ZNF850: variants seen among roughly 807,000 people sequenced by gnomAD.
ZNF850 encodes putative zinc finger protein ENSP00000330994.
In ZNF850, 2 loss-of-function variants were observed where a neutral mutation model predicts 11.9. That is an observed-to-expected ratio of 0.17 (90% confidence interval 0.07 to 0.53). ZNF850 has a LOEUF of 0.53. Among genes scored for constraint, ZNF850 ranks in the 20% least tolerant of loss-of-function variants. ZNF850 has a pLI of 0.94. For missense variants in ZNF850, 1,014 were observed against 1,316.4 expected, an observed-to-expected ratio of 0.77 and a Z score of 3.55; for synonymous variants, 381 against 443.0, an observed-to-expected ratio of 0.86 and a Z score of 1.76.
At chr19:36,757,503 C>CTTTTT (rs57226971) in intron 4 of ZNF850, among the ~76,000 whole-genome samples, 1 of 97,396 alleles carries the variant, frequency 1.0e-5, no homozygotes, top group Non-Finnish European at 2.1e-5. Flanking sequence ...AATATAGTTT[C>CTTTTT]TTTTTTTTTT....
intron 4 of ZNF850, among the ~76,000 whole-genome samples, chr19:36,758,548 A>AT (rs1244459236): frequency 1.3e-5 from 2 of 151,834 alleles, no homozygotes; most frequent in African/African-American, 4.8e-5. Context: ...CACCAGGCTA[A>AT]TTTTTTTATT....
chr19:36,768,221 T>A (rs761152742), intron 1 of ZNF850, among the ~76,000 whole-genome samples: 110 of 151,330 alleles, frequency 7.3e-4, no homozygotes, highest in Non-Finnish European at 1.3e-3. Context: ...AAAAAAAAAC[T>A]ATAATATAGA....
Position 36,759,922 on chromosome 19 carries a change from T to C in ZNF850, c.235+1721A>G, listed in dbSNP as rs986394741. ...AGCCCAATTTTTGTCCATGTTAACA[T>C]TGTCACCAACTTATTGAAAATGGAT... is the stretch of plus-strand genomic sequence containing the variant. On this transcript the variant is annotated intron_variant, in intron 4 of 4. Coordinates refer to ENST00000591344, the MANE Select transcript of ZNF850 (RefSeq NM_001193552.2). Among the ~76,000 whole-genome samples the C allele has an allele frequency of 4.6e-5, 7 of 152,338 alleles. No homozygotes were observed. The East Asian group carries it at 1.2e-3, about 25-fold the overall frequency.
intron 2 of ZNF850, 24 bp from the exon 3 acceptor site, chr19:36,762,455 G>A (rs751028510): frequency 1.2e-5 from 19 of 1,539,664 alleles, no homozygotes; most frequent in South Asian, 3.6e-5. Context: ...CCCATGCAGC[G>A]CTGTTGAAAT....
chr19:36,748,448 A>G lies in ZNF850; in HGVS notation c.2592T>C (p.Thr864=). The change falls in exon 5 of 5, where the codon ACT becomes ACC. Residue 864 remains threonine, a synonymous_variant. Transcript: ENST00000591344. ...STLIEHQRIH[T]GEKPYHCKEC... ...CCTTACAATGATAGGGTTTCTCACC[A>G]GTGTGAATTCGCTGATGTTCAATTA... is the stretch of plus-strand genomic sequence containing the variant. 1.3e-6 allele frequency: 2 copies of G among 1,556,278 alleles called. No individual in the cohort carries two copies. The highest frequency in any genetic ancestry group is 2.4e-5 in the East Asian group (1 of 41,938).
chr19:36,769,198 G>A (rs2040566053), intron 1 of ZNF850, among the ~76,000 whole-genome samples: 3 of 149,158 alleles, frequency 2.0e-5, no homozygotes, highest in South Asian at 4.2e-4. Flanking sequence ...GCAGGCGGAG[G>A]CTGCAGTGAG....
rs1216986237 is a variant in ZNF850, at chr19:36,749,958, C to T, written c.1082G>A (p.Gly361Asp). The T allele has an allele frequency of 1.9e-6, 3 of 1,568,638 alleles. No homozygotes were observed. The highest frequency in any genetic ancestry group is 2.6e-6 in the Non-Finnish European group (3 of 1,159,360). ...TTCCTTACAGTCATAGGGTTTCTCACCAGTGTGAATTCGCTGATGTCGAAT... is the reference window on the plus strand; with the variant it reads ...TTCCTTACAGTCATAGGGTTTCTCATCAGTGTGAATTCGCTGATGTCGAAT... Reference protein sequence around the residue: ...ALIRHQRIHTGEKPYDCKECG... With the variant: ...ALIRHQRIHTDEKPYDCKECG... The change falls in exon 5 of 5, where the codon GGT becomes GAT. Residue 361 changes from glycine to aspartate, a missense_variant. Transcript: ENST00000591344.
At chr19:36,766,653 G>T (rs2040551078) in intron 1 of ZNF850, among the ~76,000 whole-genome samples, 1 of 152,128 alleles carries the variant, frequency 6.6e-6, no homozygotes, top group South Asian at 2.1e-4. Flanking sequence ...GAAGGGGGCT[G>T]TATAGAAATT....
rs186062411 is a variant in ZNF850, at chr19:36,744,258, G to C, written c.*3509C>G. On this transcript the variant is annotated 3_prime_UTR_variant, in exon 5 of 5. Coordinates refer to ENST00000591344, the MANE Select transcript of ZNF850 (RefSeq NM_001193552.2). ...TACAGGTGATCTTTCTGTCTTCATTGTGCTTTTCTCTGCTCTTTAAAAAAT... is the reference window on the plus strand; with the variant it reads ...TACAGGTGATCTTTCTGTCTTCATTCTGCTTTTCTCTGCTCTTTAAAAAAT... The C allele has an allele frequency of 2.0e-5, 3 of 151,436 alleles. No homozygotes were observed. In the East Asian group the frequency reaches 5.8e-4, roughly 29 times the overall value. The allele number at this position is 151,436 out of a possible 1,614,324, so 9.4% of individuals were successfully genotyped here.
rs540622064 is a variant in ZNF850 at position 36,771,927 on chromosome 19, C to T, written c.-70+798G>A. Among the ~76,000 whole-genome samples, 6 of 152,306 alleles carry T rather than the reference C, an allele frequency of 3.9e-5. No individual in the cohort carries two copies. The East Asian group carries it at 1.2e-3, about 29-fold the overall frequency. On this transcript the variant is annotated intron_variant, in intron 1 of 4. Transcript: ENST00000591344. Reference sequence around the variant, plus strand: ...ACCGCCCAGACCCCTCCTGCCCAGGCCTGTAATTACCCCAGCCTGGAAGCG... The same window carrying T: ...ACCGCCCAGACCCCTCCTGCCCAGGTCTGTAATTACCCCAGCCTGGAAGCG...
rs1378277229 is a variant in ZNF850, at chr19:36,761,735, A to G, written c.143T>C (p.Leu48Pro). 1 of 1,522,982 alleles carries G rather than the reference A, an allele frequency of 6.6e-7. No homozygotes were observed. The highest frequency in any genetic ancestry group is 8.8e-7 in the Non-Finnish European group (1 of 1,131,100). 94.3% of individuals were successfully genotyped at this position (1,522,982 alleles called of 1,614,324 possible). A position where few individuals can be genotyped will look rare whatever the true frequency, so the allele number is the denominator to read the frequency against. Residue 48 changes from leucine to proline, a missense_variant, in exon 4 of 5, where the codon CTC becomes CCC. Leu to Pro is a moderately conservative substitution (Grantham distance 98, BLOSUM62 -3). Around this residue, in one of 2 missense-constraint regions of ZNF850, gnomAD observed 835 missense variants for 1,022.0 expected, o/e 0.82. Transcript: ENST00000591344. The stretch of plus-strand genomic sequence containing the variant: ...AATCACATCAGGCTTTGGGATAGAG[A>G]GACCTGTTTATAAGAAAAGAAGTAA... Reference protein sequence around the residue: ...ENYSSLVSLGLSIPKPDVISL... With the variant: ...ENYSSLVSLGPSIPKPDVISL...
At chr19:36,761,966 A>T (rs184503242) in intron 3 of ZNF850, among the ~76,000 whole-genome samples, 5 of 151,344 alleles carry the variant, frequency 3.3e-5, no homozygotes, top group Admixed American at 3.3e-4. Context: ...GAGTCGCTTG[A>T]ACCCGAGAGA....
At position 36,748,756 on chromosome 19, in the gene ZNF850, A is replaced by G; in HGVS notation, c.2284T>C (p.Cys762Arg). ...GAGTGAGAAGTAAAAGATTTCCCAC[A>G]TTCCTTACAATCATAGGGTTTCTCA... ...TGEKPYDCKE[C>R]GKSFTSHSTL... Residue 762 changes from cysteine to arginine, a missense_variant, in exon 5 of 5, where the codon TGT becomes CGT. Cys to Arg is a radical substitution (Grantham distance 180). Transcript: ENST00000591344. 6.5e-7 allele frequency: 1 copy of G among 1,549,196 alleles called. No homozygotes were observed. Among genetic ancestry groups the G allele is most frequent in the Non-Finnish European group, 8.7e-7 (1 of 1,152,248 alleles).
chr19:36,766,937 T>C (rs1405536357), intron 1 of ZNF850, among the ~76,000 whole-genome samples: 1 of 151,892 alleles, frequency 6.6e-6, no homozygotes, highest in Non-Finnish European at 1.5e-5. Flanking sequence ...ACCTGGTCTC[T>C]ACTTAAAATA....
Position 36,749,445 on chromosome 19 carries a change from G to C in ZNF850, c.1595C>G (p.Pro532Arg). The C allele has an allele frequency of 1.9e-6, 3 of 1,551,000 alleles. No homozygotes were observed. In the South Asian group the frequency reaches 3.5e-5, roughly 18 times the overall value. Residue 532 changes from proline (P) to arginine (R), a missense_variant, in exon 5 of 5, where the codon CCC (proline) becomes CGC (arginine). Around this residue, in one of 2 missense-constraint regions of ZNF850, gnomAD observed 835 missense variants for 1,022.0 expected, o/e 0.82. Coordinates refer to ENST00000591344, the MANE Select transcript of ZNF850 (RefSeq NM_001193552.2). ...TTTTCCACATTCCTTACAATGATAG[G>C]GTTTCTCACCAGTGTGAATTCGCTG... ...QHQRIHTGEK[P>R]YHCKECGKSF... is the part of the protein sequence containing the mutation.
rs182616588 is a variant in ZNF850, at chr19:36,750,208, C to T, written c.832G>A (p.Asp278Asn). ...CATTCTTTACATTCATAAGGTTTGT[C>T]ACCAGTATGAATTCTCCAATGTTGA... ...LIQHWRIHTGDKPYECKECGK... is the reference protein window; with the variant it reads ...LIQHWRIHTGNKPYECKECGK... The change falls in exon 5 of 5, where the codon GAC becomes AAC. Residue 278 changes from aspartate to asparagine, a missense_variant. By Grantham distance (23) the Asp-to-Asn change is conservative. Coordinates refer to ENST00000591344, the MANE Select transcript of ZNF850 (RefSeq NM_001193552.2). 6.5e-6 allele frequency: 10 copies of T among 1,538,924 alleles called. No individual in the cohort carries two copies. The East Asian group carries it at 2.0e-4, about 30-fold the overall frequency.
Position 36,749,550 on chromosome 19 carries a change from CGCT to C in ZNF850, c.1487_1489del (p.Gln496del). Reference sequence around the variant, plus strand: ...ATAGGGTTTCTCACCAGTGTGGATTCGCTGGTGTCGATTGCGTGTTGAGCGAAA... The same window carrying C: ...ATAGGGTTTCTCACCAGTGTGGATTCGGTGTCGATTGCGTGTTGAGCGAAA... On this transcript the variant is annotated inframe_deletion, in exon 5 of 5. Coordinates refer to ENST00000591344, the MANE Select transcript of ZNF850 (RefSeq NM_001193552.2). The C allele has an allele frequency of 6.5e-7, 1 of 1,543,638 alleles. No individual in the cohort carries two copies. The highest frequency in any genetic ancestry group is 8.7e-7 in the Non-Finnish European group (1 of 1,150,242).
chr19:36,771,314 G>A (rs565201977), intron 1 of ZNF850, among the ~76,000 whole-genome samples: 39 of 152,172 alleles, frequency 2.6e-4, no homozygotes, highest in Non-Finnish European at 5.3e-4. Flanking sequence ...CTTGAAGAAA[G>A]CACTACCCAG....
chr19:36,762,200 T>C lies in ZNF850; in HGVS notation c.139+105A>G, dbSNP rs2040523157. 5.2e-6 allele frequency: 5 copies of C among 970,594 alleles called. No individual in the cohort carries two copies. In the South Asian group the frequency reaches 8.1e-5, roughly 16 times the overall value. 60.1% of individuals were successfully genotyped at this position (970,594 alleles called of 1,614,324 possible). On this transcript the variant is annotated intron_variant, in intron 3 of 4. Transcript: ENST00000591344. Reference sequence around the variant, plus strand: ...CCCCAAAGAGCTGCCCATCTATTAATCTACAAAACACAAAACAATTCCCTA... The same window carrying C: ...CCCCAAAGAGCTGCCCATCTATTAACCTACAAAACACAAAACAATTCCCTA...
Sources: allele counts gnomAD v4.1 joint callset (sites outside exome capture counted in the v4.1 genomes callset), GRCh38; gene constraint gnomAD v4.1.1; regional missense constraint gnomAD v4.1.1; transcripts MANE v1.5; gene names NCBI Gene and HGNC (gene_info 2026-07-23, HGNC 2026-07-21).